The following SPPL2B variants were observed in gnomAD, a reference collection of about 807,000 sequenced individuals.
The protein encoded by SPPL2B is signal peptide peptidase-like 2B.
Under a neutral mutation model 59.7 loss-of-function variants are expected in SPPL2B, and 39 were observed. The observed-to-expected ratio is 0.65, with a 90% CI of 0.51 to 0.85. The LOEUF is 0.85. Ranked by LOEUF, SPPL2B falls within the 40% of genes least tolerant of loss-of-function variation. The pLI, the probability that SPPL2B is intolerant of heterozygous loss-of-function variation, is 0.00. For synonymous variants in SPPL2B, 419 were observed against 370.8 expected (o/e 1.13, Z -1.49); for missense variants, 865 against 849.0 (o/e 1.02, Z -0.23).
At chr19:2,344,724 GGAGT>G in intron 12 of SPPL2B, 72 bp downstream of exon 12, 1 of 942,540 alleles carries the variant, frequency 1.1e-6, no homozygotes, top group East Asian at 2.5e-5. Flanking sequence ...TTTGCCTTTG[GGAGT>G]GAGTGGCCCG....
rs564804889 is a variant in SPPL2B at position 2,354,433 on chromosome 19, G to C, written c.*1224G>C. On this transcript the variant is annotated 3_prime_UTR_variant, in exon 15 of 15. Coordinates refer to ENST00000613503, the MANE Select transcript of SPPL2B (RefSeq NM_152988.3). ...GGCTGTCTGTGGTGCCTGGGCCCCA[G>C]CTCCCGCCCGCCACCCGCCCTGTTG... is the stretch of plus-strand genomic sequence containing the variant. 1.3e-5 allele frequency: 2 copies of C among 152,390 alleles called. No individual in the cohort carries two copies. The highest frequency in any genetic ancestry group is 4.1e-4 in the South Asian group (2 of 4,836). 9.4% of individuals were successfully genotyped at this position (152,390 alleles called of 1,614,324 possible).
At position 2,339,962 on chromosome 19, in the gene SPPL2B, C is replaced by T. The variant is rs1178201772; in HGVS notation, c.738C>T (p.Leu246=). Residue 246 remains leucine (L), a synonymous_variant, in exon 6 of 15, where the codon CTC becomes CTT. Transcript: ENST00000613503. ...TGCTGCTCTACTATTTCTACGATCT[C>T]CTCGGTGCGCGGCCCCGGGCGGGTG... ...MLVLLYYFYD[L]LVYVVIGIFC... The T allele has an allele frequency of 6.4e-7, 1 of 1,553,392 alleles. No individual in the cohort carries two copies. Among genetic ancestry groups the T allele is most frequent in the Admixed American group, 2.0e-5 (1 of 51,106 alleles).
Position 2,339,881 on chromosome 19 carries a change from G to A in SPPL2B, c.657G>A (p.Val219=), listed in dbSNP as rs761290047. 4.9e-5 allele frequency: 78 copies of A among 1,597,456 alleles called. No individual in the cohort carries two copies. Among genetic ancestry groups the A allele is most frequent in the Non-Finnish European group, 6.5e-5 (76 of 1,172,110 alleles). The change falls in exon 6 of 15, where the codon GTG becomes GTA. Residue 219 remains valine, a synonymous_variant. Coordinates refer to ENST00000613503, the MANE Select transcript of SPPL2B (RefSeq NM_152988.3). ...CCGAGAAGCAGGAGGACGAGGCGGT[G>A]GACGTGACGCCGGTGATGACCTGCG... ...DGPEKQEDEA[V]DVTPVMTCVF...
chr19:2,334,572 G>T (rs749847308), intron 1 of SPPL2B, 30 bp from the exon 2 acceptor site: 2 of 1,597,594 alleles, frequency 1.3e-6, no homozygotes, highest in South Asian at 2.3e-5. Context: ...GTCCCGTGCT[G>T]TGGCTCTGAC....
At chr19:2,348,800 C>G (rs1305702554) in intron 13 of SPPL2B, among the ~76,000 whole-genome samples, 4 of 129,552 alleles carry the variant, frequency 3.1e-5, no homozygotes, top group Admixed American at 7.8e-5. Context: ...TTCTCTCCCT[C>G]CACACACACT....
chr19:2,335,555 T>C lies in SPPL2B; in HGVS notation c.186+834T>C, dbSNP rs143013652. Among the ~76,000 whole-genome samples, 669 of 149,228 alleles carry C rather than the reference T, an allele frequency of 4.5e-3. 7 individuals are homozygous for C. The highest frequency in any genetic ancestry group is 0.016 in the African/African-American group (635 of 39,970). The stretch of plus-strand genomic sequence containing the variant: ...TTCATCCCTCAGGCCCTGCCTCCTT[T>C]TCCACTGCATCCCTCTGGCCCCGCC... On this transcript the variant is annotated intron_variant, in intron 2 of 14. Transcript: ENST00000613503.
intron 3 of SPPL2B, 75 bp downstream of exon 3, chr19:2,337,700 A>G (rs985888021): frequency 1.4e-5 from 19 of 1,403,662 alleles, no homozygotes; most frequent in Non-Finnish European, 1.5e-5. Context: ...AGATGGCAGC[A>G]GCTGGGGCTG....
chr19:2,343,084 G>T, intron 8 of SPPL2B, 127 bp from the exon 9 acceptor site: 1 of 727,550 alleles, frequency 1.4e-6, no homozygotes. Context: ...GTCATCCCCT[G>T]GGCAGGTGGA....
intron 7 of SPPL2B, chr19:2,340,391 G>C (rs1008922): frequency 1.6e-6 from 1 of 614,924 alleles, no homozygotes; most frequent in Admixed American, 2.9e-5. Context: ...GTGGCGGGGG[G>C]AGGGTGCCCT....
chr19:2,351,452 T>A lies in SPPL2B; in HGVS notation c.1373T>A (p.Leu458His). 1 of 1,607,854 alleles carries A rather than the reference T, an allele frequency of 6.2e-7. No homozygotes were observed. The change falls in exon 14 of 15, where the codon CTT becomes CAT. Residue 458 changes from leucine (L) to histidine (H), a missense_variant. Coordinates refer to ENST00000613503, the MANE Select transcript of SPPL2B (RefSeq NM_152988.3). Reference protein sequence around the residue: ...ACTIAYGVGLLVTFVALALMQ... With the variant: ...ACTIAYGVGLHVTFVALALMQ... ...CCCACAGCCTATGGCGTTGGCCTCCTTGTGACATTCGTGGCACTGGCCCTG... is the reference window on the plus strand; with the variant it reads ...CCCACAGCCTATGGCGTTGGCCTCCATGTGACATTCGTGGCACTGGCCCTG...
At chr19:2,349,156 C>A (rs1212388060) in intron 13 of SPPL2B, among the ~76,000 whole-genome samples, 1 of 70,864 alleles carries the variant, frequency 1.4e-5, no homozygotes, top group African/African-American at 6.2e-5. Flanking sequence ...CGCTTGATTC[C>A]ATTCTCTCCC....
intron 13 of SPPL2B, among the ~76,000 whole-genome samples, chr19:2,350,541 C>T (rs908372742): frequency 2.0e-5 from 3 of 152,246 alleles, no homozygotes; most frequent in Non-Finnish European, 4.4e-5. Context: ...CCCCCGTGTA[C>T]TGCAGTTGGC....
At chr19:2,337,107 TC>T (rs1968694466) in intron 2 of SPPL2B, 1 of 248,762 alleles carries the variant, frequency 4.0e-6, no homozygotes, top group Non-Finnish European at 7.7e-6. Flanking sequence ...CCCTCCCCCT[TC>T]TCACAGATGC....
intron 8 of SPPL2B, 95 bp downstream of exon 8, chr19:2,341,109 G>A (rs376998393): frequency 2.1e-5 from 17 of 827,578 alleles, no homozygotes; most frequent in Non-Finnish European, 2.8e-5. Context: ...CCTGGAGGCC[G>A]CCCCAGCCTG....
intron 12 of SPPL2B, 68 bp from the exon 13 acceptor site, chr19:2,345,185 G>A (rs986183925): frequency 1.3e-4 from 189 of 1,415,628 alleles, no homozygotes; most frequent in Non-Finnish European, 1.7e-4. Context: ...GTGCCCGCCC[G>A]CTCCCAGGAA....
rs921385616 is a variant in SPPL2B at position 2,343,008 on chromosome 19, C to T, written c.957-203C>T. On this transcript the variant is annotated intron_variant, in intron 8 of 14. Coordinates refer to ENST00000613503, the MANE Select transcript of SPPL2B (RefSeq NM_152988.3). The stretch of plus-strand genomic sequence containing the variant: ...CCGCAGGGTGGGCCCTGGGGTGGGG[C>T]CTGTGCCGCCAGCCCTGCTGGAGTT... 5.1e-6 allele frequency: 3 copies of T among 587,216 alleles called. No homozygotes were observed. In the Admixed American group the frequency reaches 8.6e-5, roughly 17 times the overall value. The allele number at this position is 587,216 out of a possible 1,614,324, so 36.4% of individuals were successfully genotyped here.
intron 14 of SPPL2B, 79 bp downstream of exon 14, chr19:2,351,673 C>G (rs1444458110): frequency 4.6e-6 from 7 of 1,528,304 alleles, no homozygotes; most frequent in Non-Finnish European, 6.2e-6. Context: ...GTGAGACCTC[C>G]AGCCACAGCC....
chr19:2,338,579 G>T, intron 3 of SPPL2B, 173 bp from the exon 4 acceptor site: 2 of 561,512 alleles, frequency 3.6e-6, no homozygotes, highest in Non-Finnish European at 3.2e-6. Context: ...CCCTGTTCTT[G>T]GGTCCTCCTG....
At chr19:2,340,424 G>C in intron 7 of SPPL2B, 1 of 638,074 alleles carries the variant, frequency 1.6e-6, no homozygotes, top group Non-Finnish European at 2.8e-6. Flanking sequence ...CCCTGCCCCA[G>C]GTCGCAGGCC....
Sources: gnomAD v4.1 joint callset for allele counts (sites outside exome capture counted in the v4.1 genomes callset) on GRCh38, gnomAD v4.1.1 for gene constraint, MANE v1.5 for transcripts, NCBI Gene and HGNC (gene_info 2026-07-23, HGNC 2026-07-21) for gene names.